The following SUSD5 variants were observed in gnomAD, a reference collection of about 807,000 sequenced individuals.
SUSD5 encodes sushi domain-containing protein 5.
In SUSD5, 33 loss-of-function variants were observed where a neutral mutation model predicts 29.5. The observed-to-expected ratio is 1.12, with a 90% CI of 0.85 to 1.49. The LOEUF (loss-of-function observed/expected upper bound fraction) is 1.49, where lower values mean the gene tolerates loss of function less well. SUSD5 is among the 40% of genes most tolerant of loss of function. The pLI, the probability that SUSD5 is intolerant of heterozygous loss-of-function variation, is 0.00. For missense variants in SUSD5, 776 were observed against 800.6 expected (o/e 0.97, Z 0.37); for synonymous variants, 308 against 325.3 (o/e 0.95, Z 0.57).
chr3:33,215,433 T>C (rs1346962251), intron 1 of SUSD5, among the ~76,000 whole-genome samples: 1 of 152,212 alleles, frequency 6.6e-6, no homozygotes, highest in East Asian at 1.9e-4. Flanking sequence ...GCATGCCTTT[T>C]AGACTACAAC....
At position 33,204,651 on chromosome 3, in the gene SUSD5, T is replaced by C. The variant is rs928213384; in HGVS notation, c.409+3157A>G. On this transcript the variant is annotated intron_variant, in intron 3 of 4. Coordinates refer to ENST00000309558, the MANE Select transcript of SUSD5 (RefSeq NM_015551.2). The surrounding 1 kb of genome is among the most constrained non-coding windows in gnomAD (Gnocchi z 4.5). ...TATTTTGTTTTGTTTTGTTTTGTTTTGTTTTGTTTTGTTTTTGAGACAGTC... is the reference window on the plus strand; with the variant it reads ...TATTTTGTTTTGTTTTGTTTTGTTTCGTTTTGTTTTGTTTTTGAGACAGTC... Among the ~76,000 whole-genome samples, 2 of 149,868 alleles carry C rather than the reference T, an allele frequency of 1.3e-5. No homozygotes were observed. The highest frequency in any genetic ancestry group is 2.4e-5 in the African/African-American group (1 of 40,936).
intron 2 of SUSD5, among the ~76,000 whole-genome samples, chr3:33,209,665 T>C (rs113240721): frequency 5.3e-5 from 8 of 150,226 alleles, no homozygotes; most frequent in African/African-American, 1.5e-4. Context: ...CTTTTCTTTT[T>C]TTTTCTTTTC....
chr3:33,177,146 T>G (rs1330741831), intron 3 of SUSD5, among the ~76,000 whole-genome samples: 1 of 152,232 alleles, frequency 6.6e-6, no homozygotes, highest in African/African-American at 2.4e-5. Context: ...GCAAATTTTT[T>G]TGTGTCAAAA....
chr3:33,163,250 G>A (rs1299166131), intron 4 of SUSD5, among the ~76,000 whole-genome samples: 1 of 152,084 alleles, frequency 6.6e-6, no homozygotes, highest in African/African-American at 2.4e-5. Flanking sequence ...AAATACTGCA[G>A]ACCAATCTCA....
chr3:33,153,357 G>A lies in SUSD5; in HGVS notation c.1275C>T (p.Leu425=), dbSNP rs777894399. The A allele has an allele frequency of 1.2e-5, 20 of 1,613,758 alleles. No homozygotes were observed. Among genetic ancestry groups the A allele is most frequent in the Non-Finnish European group, 1.7e-5 (20 of 1,179,854 alleles). ...TATGGGTCATGCCCTCGCTTGGTGT[G>A]AGGGTGCTACTCTTGGGCTTCTTAA... ...VEVKKPKSST[L]TPSEGMTHSS... The change falls in exon 5 of 5, where the codon CTC becomes CTT. Residue 425 remains leucine (L), a synonymous_variant. Coordinates refer to ENST00000309558, the MANE Select transcript of SUSD5 (RefSeq NM_015551.2).
intron 2 of SUSD5, among the ~76,000 whole-genome samples, chr3:33,213,591 T>C (rs1390025288): frequency 1.3e-5 from 2 of 151,932 alleles, no homozygotes; most frequent in African/African-American, 4.8e-5. Context: ...CTGGCCAATA[T>C]GGTGAAACCC....
intron 4 of SUSD5, 102 bp downstream of exon 4, chr3:33,174,784 C>T (rs957184053): frequency 7.2e-7 from 1 of 1,381,688 alleles, no homozygotes; most frequent in African/African-American, 1.4e-5. Context: ...TTTTCAAAGG[C>T]ACCTTGGTGG....
chr3:33,196,356 G>A (rs1342504099), intron 3 of SUSD5, among the ~76,000 whole-genome samples: 3 of 152,236 alleles, frequency 2.0e-5, no homozygotes, highest in Non-Finnish European at 4.4e-5. Context: ...TAGCAGAGCT[G>A]GGAACACAGA....
In SUSD5 at chr3:33,214,072, G is replaced by A; in HGVS notation, c.146C>T (p.Ser49Phe). The A allele has an allele frequency of 6.2e-7, 1 of 1,611,816 alleles. No individual in the cohort carries two copies. Among genetic ancestry groups the A allele is most frequent in the Non-Finnish European group, 8.5e-7 (1 of 1,178,960 alleles). Reference sequence around the variant, plus strand: ...AGCAGCCTCCAGTTGTAGGCCCTGAGAGCCATTCTGAGACTCCAGCACAAA... The same window carrying A: ...AGCAGCCTCCAGTTGTAGGCCCTGAAAGCCATTCTGAGACTCCAGCACAAA... Reference protein sequence around the residue: ...KFFVLESQNGSQGLQLEAARL... With the variant: ...KFFVLESQNGFQGLQLEAARL... Residue 49 changes from serine (S) to phenylalanine (F), a missense_variant, in exon 2 of 5, where the codon TCT (serine) becomes TTT (phenylalanine). Ser to Phe is a radical substitution (Grantham distance 155). Coordinates refer to ENST00000309558, the MANE Select transcript of SUSD5 (RefSeq NM_015551.2).
At chr3:33,197,544 AACC>A (rs146453981) in intron 3 of SUSD5, among the ~76,000 whole-genome samples, 7,290 of 152,082 alleles carry the variant, frequency 0.048, 501 homozygotes, top group African/African-American at 0.16. Flanking sequence ...CCAATTGTAT[AACC>A]ACCACCACCA....
chr3:33,197,724 T>C (rs1439288557), intron 3 of SUSD5, among the ~76,000 whole-genome samples: 1 of 152,218 alleles, frequency 6.6e-6, no homozygotes, highest in Non-Finnish European at 1.5e-5. Context: ...TAATACAGTA[T>C]GTATATTTTG....
At chr3:33,216,793 G>A (rs1029362944) in intron 1 of SUSD5, among the ~76,000 whole-genome samples, 1 of 152,080 alleles carries the variant, frequency 6.6e-6, no homozygotes, top group African/African-American at 2.4e-5. Flanking sequence ...ACTAAATGTA[G>A]GAACTGGTGG....
At chr3:33,159,069 G>C (rs778000800) in intron 4 of SUSD5, among the ~76,000 whole-genome samples, 2 of 152,170 alleles carry the variant, frequency 1.3e-5, no homozygotes, top group East Asian at 1.9e-4. Context: ...TGACTGTTGG[G>C]AGTAAACAAG....
chr3:33,183,142 TTA>T (rs1469185706), intron 3 of SUSD5, among the ~76,000 whole-genome samples: 1 of 152,204 alleles, frequency 6.6e-6, no homozygotes, highest in African/African-American at 2.4e-5. Context: ...AGTGGGTTTC[TTA>T]TAGACAACAT....
intron 4 of SUSD5, among the ~76,000 whole-genome samples, chr3:33,163,716 G>A (rs1183049493): frequency 1.3e-5 from 2 of 152,130 alleles, no homozygotes; most frequent in Admixed American, 1.3e-4. Context: ...TATAAAAAAT[G>A]GCCGGGTGCG....
rs1465407987 is a variant in SUSD5, at chr3:33,150,127, AT to A, written c.*2614del. 4 of 152,146 alleles carry A rather than the reference AT, an allele frequency of 2.6e-5. No homozygotes were observed. Among genetic ancestry groups the A allele is most frequent in the Admixed American group, 2.6e-4 (4 of 15,278 alleles). The allele number at this position is 152,146 out of a possible 1,614,324, so 9.4% of individuals were successfully genotyped here. A position where few individuals can be genotyped will look rare whatever the true frequency, so the allele number is the denominator to read the frequency against. ...CCCCCAATTTTCATGAGCATTAAAC[AT>A]TCACCATTCTCAAAACATGCATGAC... On this transcript the variant is annotated 3_prime_UTR_variant, in exon 5 of 5. Coordinates refer to ENST00000309558, the MANE Select transcript of SUSD5 (RefSeq NM_015551.2).
At chr3:33,173,860 C>T (rs138842839) in intron 4 of SUSD5, among the ~76,000 whole-genome samples, 1 of 152,318 alleles carries the variant, frequency 6.6e-6, no homozygotes, top group Non-Finnish European at 1.5e-5. Context: ...CCAGGTCAGC[C>T]ATGGGGCTGC....
chr3:33,158,977 G>A (rs2031117259), intron 4 of SUSD5, among the ~76,000 whole-genome samples: 1 of 152,136 alleles, frequency 6.6e-6, no homozygotes, highest in Non-Finnish European at 1.5e-5. Flanking sequence ...TTATTCCATG[G>A]TATTTTTGTC....
At chr3:33,158,921 A>T (rs965666376) in intron 4 of SUSD5, among the ~76,000 whole-genome samples, 6 of 152,146 alleles carry the variant, frequency 3.9e-5, no homozygotes, top group African/African-American at 1.4e-4. Context: ...TTGTTGCCTC[A>T]TTGCAGCCCC....
Sources: gnomAD v4.1 joint callset for allele counts (sites outside exome capture counted in the v4.1 genomes callset) on GRCh38, gnomAD v4.1.1 for gene constraint, Gnocchi (gnomAD v3.1) non-coding constraint, MANE v1.5 for transcripts, NCBI Gene and HGNC (gene_info 2026-07-23, HGNC 2026-07-21) for gene names.